Variants in RBFOX1 observed in about 807,000 individuals in gnomAD.
RBFOX1 encodes RNA binding protein fox-1 homolog 1.
Under a neutral mutation model 57.7 loss-of-function variants are expected in RBFOX1, and 8 were observed. The ratio of observed to expected loss-of-function variants is 0.14; its 90% CI spans 0.08 to 0.25. The LOEUF (loss-of-function observed/expected upper bound fraction) is 0.25, where lower values mean the gene tolerates loss of function less well. Ranked by LOEUF, RBFOX1 falls within the 10% of genes least tolerant of loss-of-function variation. RBFOX1 has a pLI of 1.00. For synonymous variants in RBFOX1, 326 were observed against 222.4 expected (o/e 1.47, Z -4.15); for missense variants, 611 against 548.5 (o/e 1.11, Z -1.14).
At chr16:5,445,832 C>G (rs940393158) in intron 1 of RBFOX1, among the ~76,000 whole-genome samples, 6 of 152,220 alleles carry the variant, frequency 3.9e-5, no homozygotes, top group Admixed American at 1.3e-4. Flanking sequence ...CGCTTTTAAA[C>G]AAGCGAAGAA....
chr16:5,483,681 A>G (rs1349241330), intron 2 of RBFOX1, among the ~76,000 whole-genome samples: 1 of 152,240 alleles, frequency 6.6e-6, no homozygotes, highest in Non-Finnish European at 1.5e-5. Flanking sequence ...TGATCTGCTG[A>G]TAAAGCAAAG....
At chr16:7,663,654 A>G (rs1325790634) in intron 12 of RBFOX1, among the ~76,000 whole-genome samples, 3 of 152,142 alleles carry the variant, frequency 2.0e-5, no homozygotes, top group African/African-American at 7.2e-5. Flanking sequence ...AGCTTCATTC[A>G]ATGGTGGGGC....
At chr16:7,321,657 A>C (rs567755600) in intron 4 of RBFOX1, among the ~76,000 whole-genome samples, 1 of 152,360 alleles carries the variant, frequency 6.6e-6, no homozygotes, top group South Asian at 2.1e-4. Context: ...AAGTGAGTTA[A>C]TATACAAAGG....
chr16:6,705,454 A>T (rs1287422972), intron 3 of RBFOX1: 1 of 152,144 alleles, frequency 6.6e-6, no homozygotes, highest in Non-Finnish European at 1.5e-5. Context: ...GTACACATAG[A>T]TCTTCTTGTT....
rs117983106 is a variant in RBFOX1 at position 6,221,455 on chromosome 16, C to G, written c.-126-95540C>G. On this transcript the variant is annotated intron_variant, in intron 1 of 15. Transcript: ENST00000550418. ...TTAGAGAGCCATGAGTAAAAGCACT[C>G]TGTTAAGCAAAACAAAAGCCACATA... 7.2e-4 allele frequency among the ~76,000 whole-genome samples: 109 copies of G among 152,296 alleles called. 1 individual carries two copies. The East Asian group carries it at 0.019, about 27-fold the overall frequency.
intron 4 of RBFOX1, among the ~76,000 whole-genome samples, chr16:7,061,039 TAC>T (rs929836565): frequency 1.4e-4 from 21 of 151,468 alleles, no homozygotes; most frequent in African/African-American, 5.1e-4. Flanking sequence ...TGTGTGTGTG[TAC>T]GTGCACGTGC....
At chr16:6,261,723 A>T (rs967100089) in intron 1 of RBFOX1, among the ~76,000 whole-genome samples, 23 of 152,154 alleles carry the variant, frequency 1.5e-4, no homozygotes, top group Admixed American at 2.0e-4. Flanking sequence ...CAGTCCAGGC[A>T]TGGTGGCTTA....
chr16:6,738,231 T>A (rs1473734594), intron 3 of RBFOX1, among the ~76,000 whole-genome samples: 1 of 152,092 alleles, frequency 6.6e-6, no homozygotes, highest in Non-Finnish European at 1.5e-5. Flanking sequence ...TGGACAGCAA[T>A]CCTTGACAGG....
chr16:6,113,599 T>C (rs2096467925), intron 1 of RBFOX1, among the ~76,000 whole-genome samples: 1 of 152,180 alleles, frequency 6.6e-6, no homozygotes, highest in African/African-American at 2.4e-5. Flanking sequence ...TTTGTTGATA[T>C]TGAAGCCGTG....
intron 3 of RBFOX1, among the ~76,000 whole-genome samples, chr16:6,667,620 G>T (rs1052843018): frequency 1.2e-4 from 18 of 152,274 alleles, no homozygotes; most frequent in African/African-American, 4.3e-4. Context: ...GGTGGCTCAT[G>T]CCTGGAATCC....
chr16:5,931,013 A>G (rs1476642372), intron 4 of RBFOX1, among the ~76,000 whole-genome samples: 1 of 151,830 alleles, frequency 6.6e-6, no homozygotes, highest in African/African-American at 2.4e-5. Flanking sequence ...AGGGTGGTTG[A>G]ATGGATGGAT....
intron 3 of RBFOX1, among the ~76,000 whole-genome samples, chr16:6,806,365 T>C (rs2086761129): frequency 6.6e-6 from 1 of 152,202 alleles, no homozygotes; most frequent in Non-Finnish European, 1.5e-5. Flanking sequence ...AAAGATGGAA[T>C]GAGAAACTGG....
intron 3 of RBFOX1, among the ~76,000 whole-genome samples, chr16:6,867,583 G>A (rs183793918): frequency 6.6e-6 from 1 of 152,230 alleles, no homozygotes; most frequent in East Asian, 1.9e-4. Flanking sequence ...GCCAGGCGTG[G>A]TGGTACCGGC....
intron 4 of RBFOX1, among the ~76,000 whole-genome samples, chr16:7,443,823 C>T (rs2098788559): frequency 6.6e-6 from 1 of 152,128 alleles, no homozygotes; most frequent in Non-Finnish European, 1.5e-5. Context: ...GACAGATGAA[C>T]TATTTTAAGA....
At position 7,514,124 on chromosome 16, in the gene RBFOX1, G is replaced by T. The variant is rs1330582532; in HGVS notation, c.28-4023G>T. Among the ~76,000 whole-genome samples, 6 of 152,144 alleles carry T rather than the reference G, an allele frequency of 3.9e-5. No homozygotes were observed. The South Asian group carries it at 1.0e-3, about 26-fold the overall frequency. Reference sequence around the variant, plus strand: ...AAACATTTTCCACAAAGGACCAGATGATAGATCATTCAGTCTTGGTGGGCT... The same window carrying T: ...AAACATTTTCCACAAAGGACCAGATTATAGATCATTCAGTCTTGGTGGGCT... On this transcript the variant is annotated intron_variant, in intron 4 of 15. Transcript: ENST00000550418.
At chr16:7,263,068 T>C (rs968019790) in intron 4 of RBFOX1, among the ~76,000 whole-genome samples, 1 of 152,162 alleles carries the variant, frequency 6.6e-6, no homozygotes, top group Non-Finnish European at 1.5e-5. Flanking sequence ...TCTCTTAGAG[T>C]CTGTCCACAA....
At chr16:7,011,451 G>A (rs1232086405) in intron 3 of RBFOX1, among the ~76,000 whole-genome samples, 3 of 151,894 alleles carry the variant, frequency 2.0e-5, no homozygotes, top group Admixed American at 1.3e-4. Flanking sequence ...TTCCAAGTTG[G>A]ATTTTTGTTT....
intron 1 of RBFOX1, among the ~76,000 whole-genome samples, chr16:6,249,558 GGA>G (rs2097590889): frequency 6.6e-6 from 1 of 151,974 alleles, no homozygotes; most frequent in Non-Finnish European, 1.5e-5. Flanking sequence ...AAAAACCAGA[GGA>G]GAGACTGGTA....
chr16:5,601,053 T>G (rs1322452011), downstream of RBFOX1: 1 of 152,178 alleles, frequency 6.6e-6, no homozygotes, highest in Non-Finnish European at 1.5e-5. Flanking sequence ...TTCTTCCCAT[T>G]TTGGATAGAT....
Sources: allele counts gnomAD v4.1 joint callset (sites outside exome capture counted in the v4.1 genomes callset), GRCh38; gene constraint gnomAD v4.1.1; transcripts MANE v1.5; gene names NCBI Gene and HGNC (gene_info 2026-07-23, HGNC 2026-07-21).